MAF: variants seen among roughly 807,000 people sequenced by gnomAD.
The protein encoded by MAF is MAF bZIP transcription factor.
Under a neutral mutation model 22.0 loss-of-function variants are expected in MAF, and 10 were observed. The ratio of observed to expected loss-of-function variants is 0.45; its 90% CI spans 0.28 to 0.77. The LOEUF (loss-of-function observed/expected upper bound fraction) is 0.77, where lower values mean the gene tolerates loss of function less well. MAF is among the 30% of genes least tolerant of loss of function. The probability of loss-of-function intolerance (pLI) is 0.12; values close to 1 mark genes in which losing one functional copy is unlikely to be tolerated. For missense variants in MAF, 544 were observed against 548.4 expected, an observed-to-expected ratio of 0.99 and a Z score of 0.08; for synonymous variants, 337 against 255.8, an observed-to-expected ratio of 1.32 and a Z score of -3.03.
chr16:79,486,243 A>C, the MAF span, among the ~76,000 whole-genome samples: 2 of 152,190 alleles, frequency 1.3e-5, no homozygotes, highest in South Asian at 4.1e-4. Context: ...TGGTTCCCCT[A>C]TAGTTCCAAA....
the MAF span, among the ~76,000 whole-genome samples, chr16:79,376,678 TC>T: frequency 1.3e-5 from 2 of 152,226 alleles, no homozygotes; most frequent in Non-Finnish European, 2.9e-5. Context: ...CCCTCTCTCC[TC>T]CCCCCACCCT....
the MAF span, among the ~76,000 whole-genome samples, chr16:79,431,289 G>C: frequency 6.6e-6 from 1 of 152,172 alleles, no homozygotes; most frequent in South Asian, 2.1e-4. Flanking sequence ...TACTTAGGCT[G>C]CTGAGGACAG....
the MAF span, among the ~76,000 whole-genome samples, chr16:79,387,042 G>A: frequency 3.3e-5 from 5 of 152,148 alleles, no homozygotes; most frequent in African/African-American, 1.2e-4. Context: ...CAGAATAACT[G>A]TCTACTCAAA....
At chr16:79,491,692 G>A in the MAF span, among the ~76,000 whole-genome samples, 2 of 152,082 alleles carry the variant, frequency 1.3e-5, no homozygotes, top group African/African-American at 2.4e-5. Context: ...AGTAAATTAC[G>A]CCAACTGATG....
chr16:79,522,208 G>A, the MAF span, among the ~76,000 whole-genome samples: 1 of 152,216 alleles, frequency 6.6e-6, no homozygotes, highest in African/African-American at 2.4e-5. Context: ...GGGAACTTCA[G>A]CCCAGACTCT....
chr16:79,291,979 C>T, the MAF span, among the ~76,000 whole-genome samples: 1 of 151,334 alleles, frequency 6.6e-6, no homozygotes, highest in Non-Finnish European at 1.5e-5. Context: ...CAGCAAGTGG[C>T]ATCGTCCCTC....
chr16:79,305,634 T>C, the MAF span, among the ~76,000 whole-genome samples: 82,323 of 151,962 alleles, frequency 0.54, 23,954 homozygotes, highest in Non-Finnish European at 0.66. Context: ...AATAGATAAA[T>C]TGGATACAAT....
the MAF span, among the ~76,000 whole-genome samples, chr16:79,562,124 T>C: frequency 6.6e-6 from 1 of 152,158 alleles, no homozygotes; most frequent in Non-Finnish European, 1.5e-5. Context: ...CCTTAACTTC[T>C]CAAGACATAA....
At chr16:79,331,606 C>A in the MAF span, among the ~76,000 whole-genome samples, 1 of 152,146 alleles carries the variant, frequency 6.6e-6, no homozygotes, top group African/African-American at 2.4e-5. Context: ...TACCTTCTAC[C>A]CGCCTCCCTG....
At chr16:79,221,726 T>C in the MAF span, among the ~76,000 whole-genome samples, 2 of 152,086 alleles carry the variant, frequency 1.3e-5, no homozygotes, top group East Asian at 1.9e-4. Flanking sequence ...TGTGTGTGTG[T>C]GCACGTGTGT....
the MAF span, among the ~76,000 whole-genome samples, chr16:79,280,358 C>A: frequency 6.6e-6 from 1 of 152,170 alleles, no homozygotes; most frequent in Non-Finnish European, 1.5e-5. Flanking sequence ...TTGAAAAGGG[C>A]AAATCCAACT....
the MAF span, chr16:79,212,164 C>T: frequency 2.1e-5 from 32 of 1,494,344 alleles, no homozygotes; most frequent in African/African-American, 9.8e-5. Flanking sequence ...GCTACCACCA[C>T]GGCCACCACT....
chr16:79,353,605 C>T, the MAF span, among the ~76,000 whole-genome samples: 4 of 152,130 alleles, frequency 2.6e-5, no homozygotes, highest in Admixed American at 6.5e-5. Context: ...TCATGTCCTG[C>T]TAGGATCCTG....
chr16:79,434,714 TAC>T, the MAF span, among the ~76,000 whole-genome samples: 1 of 152,002 alleles, frequency 6.6e-6, no homozygotes, highest in African/African-American at 2.4e-5. Context: ...TCATCATTCA[TAC>T]ATATTTTATT....
chr16:79,581,742 C>G (rs1309090490), downstream of MAF, among the ~76,000 whole-genome samples: 1 of 152,188 alleles, frequency 6.6e-6, no homozygotes, highest in African/African-American at 2.4e-5. Context: ...TCTGCCTTCA[C>G]CTCTCTTTTT....
the MAF span, among the ~76,000 whole-genome samples, chr16:79,579,158 G>A: frequency 5.9e-5 from 9 of 152,252 alleles, no homozygotes; most frequent in East Asian, 1.9e-4. Flanking sequence ...ATTCTAGTGC[G>A]CATACTCTGA....
At chr16:79,277,771 C>T in the MAF span, among the ~76,000 whole-genome samples, 11 of 152,184 alleles carry the variant, frequency 7.2e-5, no homozygotes, top group African/African-American at 1.4e-4. Flanking sequence ...TCTGTAATAA[C>T]GCCTGTGTGT....
At chr16:79,542,018 A>C in the MAF span, among the ~76,000 whole-genome samples, 1 of 152,092 alleles carries the variant, frequency 6.6e-6, no homozygotes, top group African/African-American at 2.4e-5. Flanking sequence ...CAGTTTCCTC[A>C]AGGCATGAGA....
chr16:79,342,296 C>A, the MAF span, among the ~76,000 whole-genome samples: 1 of 152,134 alleles, frequency 6.6e-6, no homozygotes. Flanking sequence ...AGAAAGAGGG[C>A]CCTCGTTGCT....
Sources: allele counts gnomAD v4.1 joint callset (sites outside exome capture counted in the v4.1 genomes callset), GRCh38; gene constraint gnomAD v4.1.1; transcripts MANE v1.5; gene names NCBI Gene and HGNC (gene_info 2026-07-23, HGNC 2026-07-21).